The following PIGN variants were observed in gnomAD, a reference collection of about 807,000 sequenced individuals.
PIGN encodes phosphatidylinositol glycan anchor biosynthesis class N.
A neutral mutation model predicts 125.4 loss-of-function variants in PIGN; 117 were observed. The observed-to-expected ratio is 0.93, with a 90% CI of 0.80 to 1.09. The LOEUF (loss-of-function observed/expected upper bound fraction) is 1.09, where lower values mean the gene tolerates loss of function less well. Ranked by LOEUF, PIGN falls within the 50% of genes least tolerant of loss-of-function variation. The pLI is 0.00. For synonymous variants in PIGN, 392 were observed against 377.8 expected (o/e 1.04, Z -0.44); for missense variants, 1,075 against 1,094.9 (o/e 0.98, Z 0.26).
chr18:62,033,568 T>G (rs1405899273), intron 23 of PIGN, among the ~76,000 whole-genome samples: 2 of 152,216 alleles, frequency 1.3e-5, no homozygotes, highest in African/African-American at 4.8e-5. Flanking sequence ...ATTAAATCTT[T>G]TACTTCTGAA....
rs79226816 is a variant in PIGN, at chr18:62,054,106, C to T, written c.2673-8127G>A. Among the ~76,000 whole-genome samples the T allele has an allele frequency of 9.8e-3, 1,497 of 152,272 alleles. 48 individuals carry two copies. The highest frequency in any genetic ancestry group is 0.069 in the East Asian group (358 of 5,182). ...GGGACACAGCTAAAGCAAGCGCAGA[C>T]GGGGAAGCAGACCCATGCAAATCTG... On this transcript the variant is annotated intron_variant, in intron 30 of 30. Transcript: ENST00000640252.
chr18:62,110,019 A>G (rs1314859944), intron 16 of PIGN, 46 bp from the exon 17 acceptor site: 1 of 1,588,452 alleles, frequency 6.3e-7, no homozygotes, highest in Non-Finnish European at 8.6e-7. Flanking sequence ...ACCAATGGTA[A>G]TTGATAGGTT....
chr18:62,183,848 A>G (rs2037803132), intron 1 of PIGN, among the ~76,000 whole-genome samples: 1 of 152,084 alleles, frequency 6.6e-6, no homozygotes, highest in South Asian at 2.1e-4. Flanking sequence ...TACTTTAAAA[A>G]AAAAAAAACT....
intron 14 of PIGN, among the ~76,000 whole-genome samples, chr18:62,133,325 C>T (rs949877595): frequency 9.2e-5 from 14 of 152,114 alleles, no homozygotes; most frequent in East Asian, 1.9e-4. Flanking sequence ...TATGTACTCA[C>T]GAATCAGTTC....
intron 30 of PIGN, among the ~76,000 whole-genome samples, chr18:62,058,358 C>A (rs2031883368): frequency 6.6e-6 from 1 of 152,142 alleles, no homozygotes; most frequent in South Asian, 2.1e-4. Context: ...CTGTGACTAC[C>A]AAGTGACCGG....
chr18:62,089,280 G>T (rs2033852851), intron 24 of PIGN, among the ~76,000 whole-genome samples: 1 of 151,982 alleles, frequency 6.6e-6, no homozygotes, highest in Non-Finnish European at 1.5e-5. Flanking sequence ...AATTCTATTT[G>T]CAGAGAAATT....
intron 11 of PIGN, 51 bp from the exon 12 acceptor site, chr18:62,140,530 A>G (rs2036096017): frequency 1.1e-6 from 1 of 888,262 alleles, no homozygotes; most frequent in Non-Finnish European, 1.8e-6. Context: ...TCAACAAAGA[A>G]ATTAAATAAT....
chr18:62,024,810 A>G (rs2030096914), intron 23 of PIGN, among the ~76,000 whole-genome samples: 1 of 152,212 alleles, frequency 6.6e-6, no homozygotes, highest in African/African-American at 2.4e-5. Context: ...CAACATAGCA[A>G]CACCTGGTTT....
At chr18:62,057,181 G>A (rs1357444517) in intron 30 of PIGN, among the ~76,000 whole-genome samples, 1 of 151,956 alleles carries the variant, frequency 6.6e-6, no homozygotes, top group East Asian at 1.9e-4. Context: ...ACACAAATGT[G>A]TAATTTGTCT....
chr18:62,159,446 T>C (rs2036860802), intron 4 of PIGN, among the ~76,000 whole-genome samples: 1 of 152,220 alleles, frequency 6.6e-6, no homozygotes, highest in South Asian at 2.1e-4. Flanking sequence ...TTTTATCCTC[T>C]TAATTTTGAA....
intron 8 of PIGN, 75 bp from the exon 9 acceptor site, chr18:62,147,176 A>C: frequency 6.9e-7 from 1 of 1,451,624 alleles, no homozygotes. Flanking sequence ...GATTCATTAC[A>C]TTCAAAATCA....
At chr18:62,155,562 T>C (rs1236454019) in intron 6 of PIGN, among the ~76,000 whole-genome samples, 1 of 151,834 alleles carries the variant, frequency 6.6e-6, no homozygotes, top group Non-Finnish European at 1.5e-5. Flanking sequence ...AGGGCAAAAC[T>C]CCGTCTCAAA....
intron 12 of PIGN, 56 bp downstream of exon 12, chr18:62,140,364 A>G: frequency 1.3e-6 from 1 of 761,674 alleles, no homozygotes; most frequent in Non-Finnish European, 2.2e-6. Flanking sequence ...AGTACATTTT[A>G]CTGTGCGATA....
intron 23 of PIGN, among the ~76,000 whole-genome samples, chr18:62,019,360 T>C (rs1055084269): frequency 2.6e-5 from 4 of 152,226 alleles, no homozygotes; most frequent in African/African-American, 9.6e-5. Context: ...TTCAAGACAT[T>C]TCGTTAGTTA....
chr18:62,020,864 G>C (rs1031207994), intron 23 of PIGN, among the ~76,000 whole-genome samples: 6 of 151,784 alleles, frequency 4.0e-5, no homozygotes, highest in Admixed American at 6.5e-5. Context: ...GGGAGACTGA[G>C]GCAGGAGAAT....
At chr18:62,055,100 C>CTGG (rs766990209) in intron 30 of PIGN, among the ~76,000 whole-genome samples, 38 of 152,190 alleles carry the variant, frequency 2.5e-4, no homozygotes, top group Non-Finnish European at 5.4e-4. Flanking sequence ...TACAACCACT[C>CTGG]TGGTGGCAGT....
At chr18:62,059,613 C>T (rs1011410304) in intron 30 of PIGN, among the ~76,000 whole-genome samples, 3 of 152,006 alleles carry the variant, frequency 2.0e-5, no homozygotes, top group Non-Finnish European at 2.9e-5. Flanking sequence ...TCTGTAGAGA[C>T]AGAAAGCAGA....
intron 1 of PIGN, among the ~76,000 whole-genome samples, chr18:62,179,647 G>A (rs2037647327): frequency 1.3e-5 from 2 of 152,282 alleles, no homozygotes; most frequent in South Asian, 2.1e-4. Context: ...TTGTGGGGCT[G>A]AGGCAGGAGG....
intron 7 of PIGN, among the ~76,000 whole-genome samples, chr18:62,150,936 G>A (rs963234055): frequency 6.6e-6 from 1 of 152,104 alleles, no homozygotes; most frequent in African/African-American, 2.4e-5. Flanking sequence ...TCTTGAGAAC[G>A]TGATCCACCC....
Sources: allele counts gnomAD v4.1 joint callset (sites outside exome capture counted in the v4.1 genomes callset), GRCh38; gene constraint gnomAD v4.1.1; transcripts MANE v1.5; gene names NCBI Gene and HGNC (gene_info 2026-07-23, HGNC 2026-07-21).